The following STPG2 variants were observed in gnomAD, a reference collection of about 807,000 sequenced individuals.
STPG2 encodes the protein sperm-tail PG-rich repeat-containing protein 2.
A neutral mutation model predicts 54.2 loss-of-function variants in STPG2; 56 were observed. That is an observed-to-expected ratio of 1.03 (90% CI 0.83 to 1.29). The LOEUF is 1.29. STPG2 is among the 50% of genes most tolerant of loss of function. STPG2 has a pLI of 0.00. For missense variants in STPG2, 596 were observed against 544.9 expected, an observed-to-expected ratio of 1.09 and a Z score of -0.93; for synonymous variants, 200 against 181.8, an observed-to-expected ratio of 1.10 and a Z score of -0.81.
At chr4:97,702,430 C>T (rs1723806699) in intron 10 of STPG2, among the ~76,000 whole-genome samples, 1 of 152,176 alleles carries the variant, frequency 6.6e-6, no homozygotes, top group Non-Finnish European at 1.5e-5. Flanking sequence ...AACACACCTT[C>T]TCATGGGTCA....
intron 9 of STPG2, among the ~76,000 whole-genome samples, chr4:97,804,623 T>A (rs926349093): frequency 1.3e-5 from 2 of 152,146 alleles, no homozygotes; most frequent in African/African-American, 4.8e-5. Flanking sequence ...TAGAGTAGGC[T>A]AAGGTTAATT....
In STPG2 at chr4:97,685,206, T is replaced by C. The variant is rs139900823; in HGVS notation, c.1320+27493A>G. ...ATAGTCTTATCATATGATGCAAAAA[T>C]CACACTTGTATTTACCCAAATAAGT... On this transcript the variant is annotated intron_variant, in intron 10 of 10. Transcript: ENST00000295268. Among the ~76,000 whole-genome samples the C allele has an allele frequency of 4.3e-3, 655 of 152,106 alleles. 14 individuals are homozygous for C. Among genetic ancestry groups the C allele is most frequent in the Admixed American group, 0.036 (545 of 15,276 alleles).
intron 8 of STPG2, among the ~76,000 whole-genome samples, chr4:97,873,769 A>G (rs1324442157): frequency 6.6e-6 from 1 of 151,614 alleles, no homozygotes; most frequent in Non-Finnish European, 1.5e-5. Context: ...TGAATTGAAG[A>G]TATTTTCATC....
chr4:97,731,559 T>G (rs1168606524), intron 9 of STPG2, among the ~76,000 whole-genome samples: 1 of 152,186 alleles, frequency 6.6e-6, no homozygotes, highest in African/African-American at 2.4e-5. Context: ...TTCCGGTGTC[T>G]GCCCCAGAAG....
At chr4:97,861,302 A>G (rs942813664) in intron 8 of STPG2, among the ~76,000 whole-genome samples, 1 of 152,228 alleles carries the variant, frequency 6.6e-6, no homozygotes, top group Non-Finnish European at 1.5e-5. Context: ...ATATCATCTC[A>G]ACCCAATTAA....
intron 8 of STPG2, among the ~76,000 whole-genome samples, chr4:97,852,639 C>A (rs1433488006): frequency 6.6e-6 from 1 of 152,024 alleles, no homozygotes; most frequent in Non-Finnish European, 1.5e-5. Context: ...TCTCAGCATC[C>A]CATTACCTAC....
chr4:97,952,492 G>A (rs141275899), intron 7 of STPG2, among the ~76,000 whole-genome samples: 28 of 152,182 alleles, frequency 1.8e-4, no homozygotes, highest in South Asian at 1.2e-3. Flanking sequence ...CTTTCCTTTC[G>A]CCTAGGACCA....
intron 5 of STPG2, among the ~76,000 whole-genome samples, chr4:98,066,153 T>C (rs922389253): frequency 1.7e-4 from 26 of 152,234 alleles, no homozygotes; most frequent in African/African-American, 5.3e-4. Context: ...TAAAGTACTT[T>C]AGTGGCTAAA....
chr4:98,108,675 C>T (rs144577808), intron 4 of STPG2, among the ~76,000 whole-genome samples: 4 of 152,022 alleles, frequency 2.6e-5, no homozygotes, highest in African/African-American at 9.7e-5. Context: ...TATAATCAAA[C>T]GGGCTTCAAT....
chr4:97,804,552 C>A (rs1255813692), intron 9 of STPG2, among the ~76,000 whole-genome samples: 1 of 151,954 alleles, frequency 6.6e-6, no homozygotes, highest in African/African-American at 2.4e-5. Flanking sequence ...TTAAACTAAG[C>A]ATTATTACAA....
At chr4:97,861,516 A>G (rs904879385) in intron 8 of STPG2, among the ~76,000 whole-genome samples, 1 of 152,210 alleles carries the variant, frequency 6.6e-6, no homozygotes, top group Non-Finnish European at 1.5e-5. Flanking sequence ...TAACCAAAAG[A>G]AAAGAAATCA....
intron 5 of STPG2, chr4:98,025,542 T>C: frequency 1.4e-6 from 1 of 708,500 alleles, no homozygotes. Flanking sequence ...AGGATGATAG[T>C]TCGTGTAACA....
At chr4:97,444,808 T>A (rs563659842) in intron 4 of STPG2, among the ~76,000 whole-genome samples, 1 of 152,180 alleles carries the variant, frequency 6.6e-6, no homozygotes, top group Non-Finnish European at 1.5e-5. Flanking sequence ...GGTGGGAGGA[T>A]CATGAGGTCA....
chr4:97,522,052 T>G (rs568613794), intron 4 of STPG2, among the ~76,000 whole-genome samples: 1 of 149,098 alleles, frequency 6.7e-6, no homozygotes, highest in Admixed American at 6.9e-5. Context: ...AGCCTGAATT[T>G]TGCTATTTCC....
chr4:98,011,613 C>A (rs1161927356), intron 5 of STPG2, among the ~76,000 whole-genome samples: 1 of 152,210 alleles, frequency 6.6e-6, no homozygotes, highest in Admixed American at 6.5e-5. Flanking sequence ...CACAGCCTCA[C>A]CACCATCTGT....
chr4:98,125,534 G>C (rs1303276826), intron 3 of STPG2, among the ~76,000 whole-genome samples: 7 of 135,964 alleles, frequency 5.1e-5, no homozygotes, highest in Admixed American at 1.6e-4. Context: ...ATGACAGCAT[G>C]CTCTTTCCTC....
intron 3 of STPG2, among the ~76,000 whole-genome samples, chr4:98,126,157 G>A (rs910286961): frequency 1.3e-5 from 2 of 152,218 alleles, no homozygotes; most frequent in African/African-American, 4.8e-5. Context: ...GAGGTTCCAT[G>A]GGAGGGGGGC....
chr4:97,764,111 T>C (rs201312820), intron 9 of STPG2, among the ~76,000 whole-genome samples: 4 of 104,512 alleles, frequency 3.8e-5, no homozygotes, highest in African/African-American at 1.9e-4. Context: ...CAACACCACA[T>C]GCACACACAC....
intron 4 of STPG2, among the ~76,000 whole-genome samples, chr4:97,495,524 A>T (rs1029997182): frequency 6.6e-6 from 1 of 151,472 alleles, no homozygotes; most frequent in African/African-American, 2.4e-5. Flanking sequence ...AGGCAATATA[A>T]GGGAGTAATA....
Sources: gnomAD v4.1 joint callset for allele counts (sites outside exome capture counted in the v4.1 genomes callset) on GRCh38, gnomAD v4.1.1 for gene constraint, MANE v1.5 for transcripts, NCBI Gene and HGNC (gene_info 2026-07-23, HGNC 2026-07-21) for gene names.